The following ELAPOR1 variants were observed in gnomAD, a reference collection of about 807,000 sequenced individuals.
ELAPOR1 encodes the protein endosome/lysosome-associated apoptosis and autophagy regulator 1.
ELAPOR1 carries 77 observed loss-of-function variants against 119.7 expected under a neutral mutation model. That is an observed-to-expected ratio of 0.64 (90% CI 0.54 to 0.78). ELAPOR1 has a LOEUF of 0.78. ELAPOR1 is among the 30% of genes least tolerant of loss of function. ELAPOR1 has a pLI of 0.00. For synonymous variants in ELAPOR1, 481 were observed against 487.2 expected, an observed-to-expected ratio of 0.99 and a Z score of 0.17; for missense variants, 1,115 against 1,270.4, an observed-to-expected ratio of 0.88 and a Z score of 1.86.
intron 3 of ELAPOR1, among the ~76,000 whole-genome samples, chr1:109,165,311 G>T (rs1247245363): frequency 6.6e-6 from 1 of 152,088 alleles, no homozygotes; most frequent in African/African-American, 2.4e-5. Context: ...AACCGGCAGG[G>T]CGCGGTGGCT....
At chr1:109,174,389 G>A (rs1652114622) in intron 7 of ELAPOR1, among the ~76,000 whole-genome samples, 1 of 105,080 alleles carries the variant, frequency 9.5e-6, no homozygotes, top group Admixed American at 1.5e-4. Flanking sequence ...CTACAGCCTG[G>A]GTGACAGAGT....
chr1:109,194,173 C>A (rs1222168490), intron 14 of ELAPOR1, among the ~76,000 whole-genome samples: 1 of 152,212 alleles, frequency 6.6e-6, no homozygotes, highest in Non-Finnish European at 1.5e-5. Flanking sequence ...AGAATTTGTC[C>A]AAACTCCCTT....
At chr1:109,160,063 A>T (rs1651150784) in intron 1 of ELAPOR1, among the ~76,000 whole-genome samples, 1 of 152,190 alleles carries the variant, frequency 6.6e-6, no homozygotes, top group African/African-American at 2.4e-5. Context: ...AGAGGGCACA[A>T]AGAATTCCCA....
intron 1 of ELAPOR1, among the ~76,000 whole-genome samples, chr1:109,117,901 A>G (rs900135982): frequency 2.6e-5 from 4 of 152,020 alleles, no homozygotes; most frequent in African/African-American, 9.7e-5. Context: ...AGGCCGAGGC[A>G]GGTGGATCAC....
At chr1:109,124,121 T>G (rs1648622981) in intron 1 of ELAPOR1, among the ~76,000 whole-genome samples, 1 of 152,208 alleles carries the variant, frequency 6.6e-6, no homozygotes, top group African/African-American at 2.4e-5. Flanking sequence ...TAATTATCCA[T>G]AAGTGTGTTT....
rs768659956 is a variant in ELAPOR1, at chr1:109,198,001, G to A, written c.2325G>A (p.Leu775=). The change falls in exon 17 of 22, where the codon CTG becomes CTA. Residue 775 remains leucine (L), a synonymous_variant. Transcript: ENST00000369939. ...CAGGGGTGACAACAGATATGACTCT[G>A]GATGGAATCACCTCCCCAGCTGAAC... is the stretch of plus-strand genomic sequence containing the variant. ...RLIGVTTDMT[L]DGITSPAELF... is the part of the protein sequence containing the mutation. 1 of 1,614,114 alleles carries A rather than the reference G, an allele frequency of 6.2e-7. No individual in the cohort carries two copies. Among genetic ancestry groups the A allele is most frequent in the African/African-American group, 1.3e-5 (1 of 75,030 alleles).
intron 7 of ELAPOR1, among the ~76,000 whole-genome samples, chr1:109,179,864 C>G (rs1434442528): frequency 3.3e-5 from 5 of 152,172 alleles, no homozygotes; most frequent in African/African-American, 1.2e-4. Context: ...CGAGATCACA[C>G]CATTGCACTC....
In ELAPOR1 at chr1:109,192,645, A is replaced by G. The variant is rs145075456; in HGVS notation, c.1718A>G (p.Tyr573Cys). 57 of 1,613,884 alleles carry G rather than the reference A, an allele frequency of 3.5e-5. No homozygotes were observed. The African/African-American group carries it at 6.9e-4, about 20-fold the overall frequency. ...TACACCAATGACGTTGCCAAGATCT[A>G]CTCCATCAATGTCACCAATGTTATG... ...RKYTNDVAKI[Y>C]SINVTNVMNG... Residue 573 changes from tyrosine (Y) to cysteine (C), a missense_variant, in exon 14 of 22, where the codon TAC becomes TGC. Transcript: ENST00000369939.
At chr1:109,149,414 A>C (rs1271499539) in intron 1 of ELAPOR1, among the ~76,000 whole-genome samples, 2 of 152,108 alleles carry the variant, frequency 1.3e-5, no homozygotes, top group Non-Finnish European at 2.9e-5. Context: ...TGAACTATTT[A>C]ATCATCTTAG....
chr1:109,202,217 G>A (rs1025172347), intron 21 of ELAPOR1, among the ~76,000 whole-genome samples: 1 of 150,290 alleles, frequency 6.7e-6, no homozygotes, highest in Non-Finnish European at 1.5e-5. Context: ...GGTTCAAGTG[G>A]TTCTCCTGCC....
chr1:109,165,005 T>C (rs746978742), intron 3 of ELAPOR1, among the ~76,000 whole-genome samples: 17 of 152,120 alleles, frequency 1.1e-4, no homozygotes, highest in African/African-American at 3.4e-4. Context: ...CAAAACCCAA[T>C]TGGAGCTGGG....
intron 1 of ELAPOR1, among the ~76,000 whole-genome samples, chr1:109,128,086 T>C (rs1400557573): frequency 6.6e-6 from 1 of 152,202 alleles, no homozygotes; most frequent in Non-Finnish European, 1.5e-5. Flanking sequence ...TTGGCCAGGC[T>C]GGTCTTCAAC....
At position 109,199,387 on chromosome 1, in the gene ELAPOR1, C is replaced by G. The variant is rs370079513; in HGVS notation, c.2502-467C>G. On this transcript the variant is annotated intron_variant, in intron 18 of 21. Transcript: ENST00000369939. ...TGACCCAGTAGTGGTGTCTGAGTGT[C>G]AAATCCCTGTTCTTGCCATTGTAAA... Among the ~76,000 whole-genome samples the G allele has an allele frequency of 1.2e-4, 19 of 152,292 alleles. No individual in the cohort carries two copies. In the East Asian group the frequency reaches 2.7e-3, roughly 22 times the overall value.
At chr1:109,171,841 G>A (rs1476898975) in intron 3 of ELAPOR1, 25 bp from the exon 4 acceptor site, 1 of 1,613,446 alleles carries the variant, frequency 6.2e-7, no homozygotes. Flanking sequence ...TCCTGCCTGT[G>A]AACCTGGTTC....
At chr1:109,147,622 G>T (rs1381238127) in intron 1 of ELAPOR1, among the ~76,000 whole-genome samples, 1 of 152,036 alleles carries the variant, frequency 6.6e-6, no homozygotes, top group East Asian at 1.9e-4. Flanking sequence ...GAGTGATAAT[G>T]ATGTGTTAAT....
intron 1 of ELAPOR1, among the ~76,000 whole-genome samples, chr1:109,160,049 C>G (rs375903471): frequency 6.6e-6 from 1 of 151,880 alleles, no homozygotes; most frequent in Non-Finnish European, 1.5e-5. Context: ...AAAAATAGAC[C>G]CAGAGAGGGC....
At chr1:109,132,916 TAAA>T (rs1053068655) in intron 1 of ELAPOR1, among the ~76,000 whole-genome samples, 2 of 151,678 alleles carry the variant, frequency 1.3e-5, no homozygotes, top group African/African-American at 4.8e-5. Context: ...AAATATAAAA[TAAA>T]AATTATGGCA....
chr1:109,191,552 C>T (rs1457796703), intron 12 of ELAPOR1, 81 bp downstream of exon 12: 6 of 1,387,930 alleles, frequency 4.3e-6, no homozygotes, highest in African/African-American at 1.4e-5. Context: ...GTCCACGTGA[C>T]TGACACCCCC....
intron 7 of ELAPOR1, among the ~76,000 whole-genome samples, chr1:109,180,472 C>T (rs534315427): frequency 4.0e-4 from 60 of 150,006 alleles, no homozygotes; most frequent in Admixed American, 1.3e-3. Flanking sequence ...CTCCATTGCA[C>T]TCCGGCCTGG....
Sources: gnomAD v4.1 joint callset for allele counts (sites outside exome capture counted in the v4.1 genomes callset) on GRCh38, gnomAD v4.1.1 for gene constraint, MANE v1.5 for transcripts, NCBI Gene and HGNC (gene_info 2026-07-23, HGNC 2026-07-21) for gene names.